The following IGFBP5 variants were observed in gnomAD, a reference collection of about 807,000 sequenced individuals.
The protein encoded by IGFBP5 is insulin like growth factor binding protein 5.
In IGFBP5, 12 loss-of-function variants were observed where a neutral mutation model predicts 28.0. The observed-to-expected ratio is 0.43, with a 90% confidence interval of 0.27 to 0.69. IGFBP5 has a LOEUF of 0.69. Among genes scored for constraint, IGFBP5 ranks in the 30% least tolerant of loss-of-function variants. IGFBP5 has a pLI of 0.20. For synonymous variants in IGFBP5, 152 were observed against 150.2 expected (o/e 1.01, Z -0.09); for missense variants, 344 against 381.6 (o/e 0.90, Z 0.82).
rs904532730 is a variant in IGFBP5, at chr2:216,687,798, A to G, written c.337+6641T>C. 2.0e-5 allele frequency among the ~76,000 whole-genome samples: 3 copies of G among 152,164 alleles called. No individual in the cohort carries two copies. The South Asian group carries it at 6.2e-4, about 32-fold the overall frequency. On this transcript the variant is annotated intron_variant, in intron 1 of 3. Transcript: ENST00000233813. ...TGACCCATCACAGCCAGTTCAGAAC[A>G]TTGCCAGCCACAGCCACATCCCCCC...
intron 1 of IGFBP5, among the ~76,000 whole-genome samples, chr2:216,689,588 C>T (rs1309609045): frequency 6.6e-6 from 1 of 152,214 alleles, no homozygotes; most frequent in African/African-American, 2.4e-5. Context: ...GGCATGAGCC[C>T]CAGTGACTAG....
In IGFBP5 at chr2:216,676,722, G is replaced by C. The variant is rs1331630181; in HGVS notation, c.*29C>G. 2 of 1,552,116 alleles carry C rather than the reference G, an allele frequency of 1.3e-6. No homozygotes were observed. The highest frequency in any genetic ancestry group is 1.8e-6 in the Non-Finnish European group (2 of 1,133,024). On this transcript the variant is annotated 3_prime_UTR_variant, in exon 4 of 4. Transcript: ENST00000233813. ...TGGAGTCGGGGCTGGGGGTGGGAGGGGGTGAGGGAAAGGTTGGGGGGGGAC... is the reference window on the plus strand; with the variant it reads ...TGGAGTCGGGGCTGGGGGTGGGAGGCGGTGAGGGAAAGGTTGGGGGGGGAC...
rs1360321478 is a variant in IGFBP5 at position 216,675,943 on chromosome 2, T to C, written c.*808A>G. ...CGTGGAAGAACAAGTCTTTCCAATA[T>C]TGGGGCATGTATTGATTTCTAAAAA... On this transcript the variant is annotated 3_prime_UTR_variant, in exon 4 of 4. Coordinates refer to ENST00000233813, the MANE Select transcript of IGFBP5 (RefSeq NM_000599.4). The C allele has an allele frequency of 6.6e-6, 1 of 152,480 alleles. No homozygotes were observed. The highest frequency in any genetic ancestry group is 1.5e-5 in the Non-Finnish European group (1 of 68,018). 9.4% of individuals were successfully genotyped at this position (152,480 alleles called of 1,614,324 possible). A position where few individuals can be genotyped will look rare whatever the true frequency, so the allele number is the denominator to read the frequency against.
intron 1 of IGFBP5, among the ~76,000 whole-genome samples, chr2:216,683,503 C>T (rs11575167): frequency 1.3e-4 from 20 of 152,284 alleles, no homozygotes; most frequent in South Asian, 6.2e-4. Context: ...GACAAACAAG[C>T]GAGGCCCGGA....
chr2:216,685,815 A>G (rs1574580937), intron 1 of IGFBP5, among the ~76,000 whole-genome samples: 1 of 151,866 alleles, frequency 6.6e-6, no homozygotes, highest in African/African-American at 2.4e-5. Flanking sequence ...TTCTTTTCCT[A>G]CCCATCCCAT....
rs942694936 is a variant in IGFBP5 at position 216,676,088 on chromosome 2, G to A, written c.*663C>T. ...TGTTTTGCTTTCAGAGGAATGGAATGCATTTTAGTTTTTATAAATTTGGGG... is the reference window on the plus strand; with the variant it reads ...TGTTTTGCTTTCAGAGGAATGGAATACATTTTAGTTTTTATAAATTTGGGG... On this transcript the variant is annotated 3_prime_UTR_variant, in exon 4 of 4. Coordinates refer to ENST00000233813, the MANE Select transcript of IGFBP5 (RefSeq NM_000599.4). 2 of 152,612 alleles carry A rather than the reference G, an allele frequency of 1.3e-5. No homozygotes were observed. The highest frequency in any genetic ancestry group is 2.9e-5 in the Non-Finnish European group (2 of 68,042). 9.5% of individuals were successfully genotyped at this position (152,612 alleles called of 1,614,324 possible).
intron 1 of IGFBP5, among the ~76,000 whole-genome samples, chr2:216,683,015 G>A (rs1352190353): frequency 1.3e-5 from 2 of 151,936 alleles, no homozygotes; most frequent in African/African-American, 4.8e-5. Context: ...GCCTGGAAGT[G>A]TTTTTAAAAT....
rs936683988 is a variant in IGFBP5, at chr2:216,674,376, T to C, written c.*2375A>G. ...TGGCTGCTGGCCCTATCGGGCCCCT[T>C]TGTCTCATGAAGATTGAGCACTTCT... On this transcript the variant is annotated 3_prime_UTR_variant, in exon 4 of 4. Transcript: ENST00000233813. The surrounding 1 kb of genome is among the most constrained non-coding windows in gnomAD (Gnocchi z 4.4). 3.7e-4 allele frequency: 56 copies of C among 153,090 alleles called. 2 individuals carry two copies. The highest frequency in any genetic ancestry group is 1.5e-4 in the Non-Finnish European group (10 of 68,104). 9.5% of individuals were successfully genotyped at this position (153,090 alleles called of 1,614,324 possible).
intron 1 of IGFBP5, among the ~76,000 whole-genome samples, chr2:216,686,666 C>CTTT (rs1165701093): frequency 6.2e-5 from 7 of 112,708 alleles, no homozygotes; most frequent in Admixed American, 9.2e-5. Flanking sequence ...TTTGACCTTT[C>CTTT]TTTTTTTTTT....
At chr2:216,687,717 G>T (rs1454658647) in intron 1 of IGFBP5, among the ~76,000 whole-genome samples, 1 of 152,126 alleles carries the variant, frequency 6.6e-6, no homozygotes, top group Non-Finnish European at 1.5e-5. Context: ...GGATAGGTGG[G>T]GAGCAGCCTC....
In IGFBP5 at chr2:216,679,254, G is replaced by C; in HGVS notation, c.338-175C>G. 1 of 644,614 alleles carries C rather than the reference G, an allele frequency of 1.6e-6. No individual in the cohort carries two copies. The highest frequency in any genetic ancestry group is 2.8e-6 in the Non-Finnish European group (1 of 353,614). The allele number at this position is 644,614 out of a possible 1,614,324, so 39.9% of individuals were successfully genotyped here. On this transcript the variant is annotated intron_variant, in intron 1 of 3. Transcript: ENST00000233813. This position sits in a 1 kb window ranked among gnomAD's most constrained non-coding sequence, Gnocchi z 4.6. ...ATAAGAACCAGGAAGCAGAGGGAAT[G>C]CTCATTTAAGTGGCAGGAAGTTTCT...
In IGFBP5 at chr2:216,694,547, C is replaced by T. The variant is rs1574584923; in HGVS notation, c.229G>A (p.Gly77Arg). The T allele has an allele frequency of 1.9e-6, 3 of 1,570,698 alleles. No individual in the cohort carries two copies. In the Middle Eastern group the frequency reaches 5.0e-4, roughly 262 times the overall value. ...CGVYTERCAQGLRCLPRQDEE... is the reference protein window; with the variant it reads ...CGVYTERCAQRLRCLPRQDEE... ...TCCTGCCGGGGGAGGCAGCGCAGCC[C>T]CTGGGCGCAGCGCTCGGTGTAGACG... The change falls in exon 1 of 4, where the codon GGG (glycine) becomes AGG (arginine). Residue 77 changes from glycine to arginine, a missense_variant. Physicochemically the swap from Gly to Arg is moderately radical, Grantham distance 125. Coordinates refer to ENST00000233813, the MANE Select transcript of IGFBP5 (RefSeq NM_000599.4). This position sits in a 1 kb window ranked among gnomAD's most constrained non-coding sequence, Gnocchi z 5.2.
In IGFBP5 at chr2:216,679,118, C is replaced by A; in HGVS notation, c.338-39G>T. The A allele has an allele frequency of 6.4e-7, 1 of 1,555,042 alleles. No individual in the cohort carries two copies. Among genetic ancestry groups the A allele is most frequent in the Non-Finnish European group, 8.9e-7 (1 of 1,126,884 alleles). On this transcript the variant is annotated intron_variant, in intron 1 of 3. Transcript: ENST00000233813. This position sits in a 1 kb window ranked among gnomAD's most constrained non-coding sequence, Gnocchi z 4.6. ...AGCCGGAGGGTCAGCCCCCGTGGGC[C>A]AAGGTGCACACGGCCAGAGCCCAGG...
chr2:216,677,135 C>T (rs1688910186), intron 3 of IGFBP5, among the ~76,000 whole-genome samples: 3 of 151,832 alleles, frequency 2.0e-5, no homozygotes, highest in African/African-American at 7.3e-5. Flanking sequence ...CATGGGGTCC[C>T]GTTATGTTGC....
chr2:216,682,577 AACAG>A (rs1215318554), intron 1 of IGFBP5, among the ~76,000 whole-genome samples: 1 of 152,168 alleles, frequency 6.6e-6, no homozygotes, highest in African/African-American at 2.4e-5. Context: ...TCTGCACGTG[AACAG>A]CAAAAGAACT....
intron 1 of IGFBP5, among the ~76,000 whole-genome samples, chr2:216,680,814 A>G (rs1260388644): frequency 1.3e-5 from 2 of 152,062 alleles, no homozygotes; most frequent in Admixed American, 1.3e-4. Context: ...CTCCCTAAAT[A>G]AAATTCAACC....
intron 3 of IGFBP5, among the ~76,000 whole-genome samples, chr2:216,677,859 C>A (rs1379001351): frequency 1.3e-5 from 2 of 152,122 alleles, no homozygotes; most frequent in African/African-American, 4.8e-5. Context: ...TTACCTTTTG[C>A]AAGGAATTCA....
intron 1 of IGFBP5, among the ~76,000 whole-genome samples, chr2:216,680,556 A>G (rs1688967184): frequency 6.6e-6 from 1 of 152,254 alleles, no homozygotes; most frequent in Non-Finnish European, 1.5e-5. Context: ...GCAGGATGGC[A>G]GGTGGCAGGA....
Position 216,694,701 on chromosome 2 carries a change from C to A in IGFBP5, c.75G>T (p.Val25=). The change falls in exon 1 of 4, where the codon GTG becomes GTT. Residue 25 remains valine (V), a synonymous_variant. Transcript: ENST00000233813. The surrounding 1 kb of genome is among the most constrained non-coding windows in gnomAD (Gnocchi z 5.2). ...CTTTCTCGTCGCAGGGCTCGCAGTG[C>A]ACGAAGGAGCCCAGGCTCTGGGCCG... ...AGPAQSLGSF[V]HCEPCDEKAL... 1 of 1,500,972 alleles carries A rather than the reference C, an allele frequency of 6.7e-7. No individual in the cohort carries two copies. The highest frequency in any genetic ancestry group is 1.4e-5 in the South Asian group (1 of 73,202). The allele number at this position is 1,500,972 out of a possible 1,614,324, so 93.0% of individuals were successfully genotyped here. A position where few individuals can be genotyped will look rare whatever the true frequency, so the allele number is the denominator to read the frequency against.
Sources: gnomAD v4.1 joint callset for allele counts (sites outside exome capture counted in the v4.1 genomes callset) on GRCh38, gnomAD v4.1.1 for gene constraint, Gnocchi (gnomAD v3.1) non-coding constraint, MANE v1.5 for transcripts, NCBI Gene and HGNC (gene_info 2026-07-23, HGNC 2026-07-21) for gene names.